The following PLCL1 variants were observed in gnomAD, a reference collection of about 807,000 sequenced individuals.
The protein encoded by PLCL1 is inactive phospholipase C-like protein 1.
A neutral mutation model predicts 84.4 loss-of-function variants in PLCL1; 41 were observed. The ratio of observed to expected loss-of-function variants is 0.49; its 90% CI spans 0.38 to 0.63. The LOEUF is 0.63. Among genes scored for constraint, PLCL1 ranks in the 30% least tolerant of loss-of-function variants. PLCL1 has a pLI of 0.00. For missense variants in PLCL1, 1,206 were observed against 1,367.8 expected, an observed-to-expected ratio of 0.88 and a Z score of 1.87; for synonymous variants, 490 against 488.3, an observed-to-expected ratio of 1.00 and a Z score of -0.05.
At chr2:197,819,333 A>G (rs1690761260) in intron 1 of PLCL1, among the ~76,000 whole-genome samples, 1 of 152,124 alleles carries the variant, frequency 6.6e-6, no homozygotes, top group African/African-American at 2.4e-5. Context: ...CTTGAATTAA[A>G]CATGACATTG....
At chr2:197,880,980 G>A (rs1411132010) in intron 1 of PLCL1, among the ~76,000 whole-genome samples, 3 of 152,122 alleles carry the variant, frequency 2.0e-5, no homozygotes, top group Non-Finnish European at 4.4e-5. Context: ...CCTTTTAAAG[G>A]TTAGTCAATG....
At chr2:197,865,477 G>C (rs1440854967) in intron 1 of PLCL1, among the ~76,000 whole-genome samples, 1 of 152,130 alleles carries the variant, frequency 6.6e-6, no homozygotes, top group Non-Finnish European at 1.5e-5. Context: ...GAGCTCACAT[G>C]CAATAAGATG....
At chr2:197,816,314 G>T (rs572897814) in intron 1 of PLCL1, among the ~76,000 whole-genome samples, 1 of 152,074 alleles carries the variant, frequency 6.6e-6, no homozygotes, top group Non-Finnish European at 1.5e-5. Context: ...TAGCAATAAG[G>T]TATTTTAAGA....
chr2:197,893,092 G>T (rs1435077475), intron 1 of PLCL1, among the ~76,000 whole-genome samples: 1 of 152,188 alleles, frequency 6.6e-6, no homozygotes, highest in Non-Finnish European at 1.5e-5. Context: ...GAGTTACAAA[G>T]CCACCATTGC....
At chr2:197,838,451 G>A (rs1218047906) in intron 1 of PLCL1, among the ~76,000 whole-genome samples, 1 of 152,160 alleles carries the variant, frequency 6.6e-6, no homozygotes, top group Non-Finnish European at 1.5e-5. Context: ...CTCAGTTTTA[G>A]TGTTGGAGAA....
At chr2:197,985,188 C>T (rs1690196150) in intron 1 of PLCL1, among the ~76,000 whole-genome samples, 2 of 152,142 alleles carry the variant, frequency 1.3e-5, no homozygotes. Context: ...GTAACTGTTG[C>T]CCACTAGCTG....
intron 1 of PLCL1, among the ~76,000 whole-genome samples, chr2:197,934,639 A>G (rs1689014493): frequency 6.6e-6 from 1 of 152,180 alleles, no homozygotes; most frequent in African/African-American, 2.4e-5. Context: ...AAAATATTTT[A>G]TAGTTGACAA....
At chr2:198,024,056 A>G (rs1691204688) in intron 1 of PLCL1, among the ~76,000 whole-genome samples, 1 of 152,176 alleles carries the variant, frequency 6.6e-6, no homozygotes, top group South Asian at 2.1e-4. Flanking sequence ...ACCATGGAAT[A>G]CTATGCAGCC....
chr2:198,136,720 G>A (rs1694264897), intron 5 of PLCL1, among the ~76,000 whole-genome samples: 2 of 152,064 alleles, frequency 1.3e-5, no homozygotes, highest in African/African-American at 4.8e-5. Flanking sequence ...CACATTAGTA[G>A]CATCCTTCAA....
At chr2:198,052,443 G>T (rs1691958429) in intron 1 of PLCL1, among the ~76,000 whole-genome samples, 1 of 151,982 alleles carries the variant, frequency 6.6e-6, no homozygotes, top group South Asian at 2.1e-4. Flanking sequence ...AGCTTAAAAT[G>T]GGACTCTTTG....
chr2:197,934,604 GT>G (rs1335132676), intron 1 of PLCL1, among the ~76,000 whole-genome samples: 3 of 151,494 alleles, frequency 2.0e-5, no homozygotes, highest in South Asian at 2.1e-4. Context: ...CTCTGGATAA[GT>G]TTTTTTTTCT....
intron 1 of PLCL1, among the ~76,000 whole-genome samples, chr2:197,859,674 T>G (rs1239021089): frequency 6.6e-6 from 1 of 152,138 alleles, no homozygotes; most frequent in Non-Finnish European, 1.5e-5. Context: ...TTTCCTATGA[T>G]TAGATACACA....
chr2:197,979,684 T>C (rs1475088110), intron 1 of PLCL1, among the ~76,000 whole-genome samples: 2 of 152,220 alleles, frequency 1.3e-5, no homozygotes, highest in African/African-American at 4.8e-5. Context: ...GGTTCATCTC[T>C]TGTCACTTGC....
chr2:197,856,330 G>A (rs700686), intron 1 of PLCL1, among the ~76,000 whole-genome samples: 110,592 of 152,032 alleles, frequency 0.73, 41,265 homozygotes, highest in African/African-American at 0.9. Flanking sequence ...TAGAAGTCGA[G>A]ATAAGTTAGA....
chr2:197,946,598 G>A (rs1322608437), intron 1 of PLCL1, among the ~76,000 whole-genome samples: 1 of 152,110 alleles, frequency 6.6e-6, no homozygotes, highest in East Asian at 1.9e-4. Context: ...CAGAGTTCTG[G>A]AATCAAGGGA....
intron 1 of PLCL1, among the ~76,000 whole-genome samples, chr2:198,015,025 A>C (rs1258813011): frequency 6.6e-6 from 1 of 152,130 alleles, no homozygotes; most frequent in Non-Finnish European, 1.5e-5. Flanking sequence ...AATGTTTAAA[A>C]ACTTATTGCC....
At chr2:198,105,601 G>GGTGTGTGTGT (rs72103336) in intron 5 of PLCL1, among the ~76,000 whole-genome samples, 4,595 of 143,762 alleles carry the variant, frequency 0.032, 87 homozygotes, top group East Asian at 0.05. Context: ...TAATTTGCCT[G>GGTGTGTGTGT]GTGTGTGTGT....
chr2:198,097,926 T>C (rs1693241215), intron 3 of PLCL1, among the ~76,000 whole-genome samples: 1 of 152,214 alleles, frequency 6.6e-6, no homozygotes, highest in Non-Finnish European at 1.5e-5. Context: ...AACATGCCAA[T>C]CTATTAGCAA....
chr2:197,863,939 T>C (rs1482479677), intron 1 of PLCL1, among the ~76,000 whole-genome samples: 1 of 152,186 alleles, frequency 6.6e-6, no homozygotes, highest in Non-Finnish European at 1.5e-5. Context: ...TAAGAATTAA[T>C]AACATCTTAA....
Sources: allele counts gnomAD v4.1 joint callset (sites outside exome capture counted in the v4.1 genomes callset), GRCh38; gene constraint gnomAD v4.1.1; transcripts MANE v1.5; gene names NCBI Gene and HGNC (gene_info 2026-07-23, HGNC 2026-07-21).